Variants in ASPH observed in about 807,000 individuals in gnomAD.
The protein encoded by ASPH is aspartyl/asparaginyl beta-hydroxylase.
Under a neutral mutation model 118.4 loss-of-function variants are expected in ASPH, and 100 were observed. The observed-to-expected ratio is 0.84, with a 90% CI of 0.72 to 1.00. The LOEUF is 1.00. Among genes scored for constraint, ASPH ranks in the 50% least tolerant of loss-of-function variants. The pLI, the probability that ASPH is intolerant of heterozygous loss-of-function variation, is 0.00. For synonymous variants in ASPH, 315 were observed against 325.6 expected, an observed-to-expected ratio of 0.97 and a Z score of 0.35; for missense variants, 920 against 919.5, an observed-to-expected ratio of 1.00 and a Z score of -0.01.
Position 61,552,961 on chromosome 8 carries a change from T to G in ASPH, c.1626+70A>C, listed in dbSNP as rs1826527236. On this transcript the variant is annotated intron_variant, in intron 20 of 24. Transcript: ENST00000379454. ...TCAAAATATTTTTTGAATTCTAACT[T>G]TCCTAGAAATAATTATTCTCCCAAC... is the stretch of plus-strand genomic sequence containing the variant. 3 of 1,307,894 alleles carry G rather than the reference T, an allele frequency of 2.3e-6. No homozygotes were observed. The South Asian group carries it at 3.9e-5, about 17-fold the overall frequency. 81.0% of individuals were successfully genotyped at this position (1,307,894 alleles called of 1,614,324 possible). A position where few individuals can be genotyped will look rare whatever the true frequency, so the allele number is the denominator to read the frequency against.
At chr8:61,536,630 G>C (rs1020012277) in intron 21 of ASPH, among the ~76,000 whole-genome samples, 2 of 152,200 alleles carry the variant, frequency 1.3e-5, no homozygotes, top group African/African-American at 4.8e-5. Flanking sequence ...TTGGGCTTAC[G>C]TTGGAACTGT....
chr8:61,629,837 G>A (rs535370648), intron 13 of ASPH, among the ~76,000 whole-genome samples: 12 of 152,204 alleles, frequency 7.9e-5, no homozygotes, highest in African/African-American at 2.6e-4. Context: ...TTTGAAAAAC[G>A]GCAGCTGACA....
chr8:61,612,873 A>G (rs1157609935), intron 14 of ASPH, among the ~76,000 whole-genome samples: 1 of 152,234 alleles, frequency 6.6e-6, no homozygotes, highest in Non-Finnish European at 1.5e-5. Flanking sequence ...TGTAGCAAGT[A>G]TATTTGTAGA....
chr8:61,712,075 T>C (rs916289374), intron 1 of ASPH, among the ~76,000 whole-genome samples: 6 of 152,204 alleles, frequency 3.9e-5, no homozygotes, highest in Admixed American at 2.0e-4. Context: ...CAGTAATTAG[T>C]TGAGTTTCCA....
chr8:61,520,344 A>G (rs73261103), intron 22 of ASPH, among the ~76,000 whole-genome samples: 2,421 of 152,328 alleles, frequency 0.016, 61 homozygotes, highest in African/African-American at 0.055. Context: ...TTCCCTATTC[A>G]AGATTCCTAA....
intron 3 of ASPH, among the ~76,000 whole-genome samples, chr8:61,674,073 A>G (rs1454977698): frequency 1.3e-5 from 2 of 152,250 alleles, no homozygotes; most frequent in Admixed American, 6.5e-5. Flanking sequence ...GTAATTTCAA[A>G]TATTTTTAAC....
At chr8:61,603,268 A>G (rs1002093284) in intron 14 of ASPH, among the ~76,000 whole-genome samples, 2 of 151,470 alleles carry the variant, frequency 1.3e-5, no homozygotes, top group Non-Finnish European at 2.9e-5. Context: ...GGATACTTTC[A>G]CTGAATAATC....
chr8:61,518,927 A>C (rs551837743), intron 22 of ASPH, among the ~76,000 whole-genome samples: 2 of 152,232 alleles, frequency 1.3e-5, no homozygotes, highest in African/African-American at 4.8e-5. Context: ...CACAAGAACC[A>C]TAAGAGACCA....
chr8:61,693,143 GT>G (rs1371263600), intron 1 of ASPH, among the ~76,000 whole-genome samples: 4 of 152,128 alleles, frequency 2.6e-5, no homozygotes, highest in African/African-American at 7.2e-5. Flanking sequence ...CCGTAACCAT[GT>G]GATTTCAATG....
intron 1 of ASPH, among the ~76,000 whole-genome samples, 155 bp downstream of exon 1, chr8:61,714,114 C>A (rs891819759): frequency 6.6e-6 from 1 of 152,168 alleles, no homozygotes; most frequent in African/African-American, 2.4e-5. Flanking sequence ...CCGCCGAATG[C>A]GGCCTCCGCC....
chr8:61,618,318 TAAAG>T (rs1554683435), intron 14 of ASPH, among the ~76,000 whole-genome samples: 1 of 152,174 alleles, frequency 6.6e-6, no homozygotes, highest in Non-Finnish European at 1.5e-5. Context: ...ATTCAATTAT[TAAAG>T]ATCATATCAT....
At position 61,709,675 on chromosome 8, in the gene ASPH, C is replaced by G. The variant is rs149304587; in HGVS notation, c.103+4594G>C. Among the ~76,000 whole-genome samples the G allele has an allele frequency of 3.2e-3, 485 of 152,320 alleles. 2 individuals carry two copies. Among genetic ancestry groups the G allele is most frequent in the Non-Finnish European group, 4.8e-3 (329 of 68,036 alleles). The stretch of plus-strand genomic sequence containing the variant: ...TTTGTACCTTGGTACAGAATGAAGT[C>G]AAGCCATTTAGAGGTGATATGGAAG... On this transcript the variant is annotated intron_variant, in intron 1 of 24. Transcript: ENST00000379454.
At chr8:61,667,539 G>A (rs1158708095) in intron 3 of ASPH, among the ~76,000 whole-genome samples, 2 of 152,010 alleles carry the variant, frequency 1.3e-5, no homozygotes, top group Non-Finnish European at 2.9e-5. Context: ...GCCAATTTTT[G>A]TATTTTCAGT....
At chr8:61,696,652 G>A (rs1351838144) in intron 1 of ASPH, among the ~76,000 whole-genome samples, 12 of 96,592 alleles carry the variant, frequency 1.2e-4, no homozygotes, top group African/African-American at 2.9e-4. Flanking sequence ...TAGAGAAGAC[G>A]GTCTCATAGA....
intron 17 of ASPH, 120 bp downstream of exon 17, chr8:61,567,048 T>C: frequency 1.6e-6 from 2 of 1,226,762 alleles, no homozygotes; most frequent in African/African-American, 1.5e-5. Flanking sequence ...TTACTTGAAA[T>C]CAGTTGTAAA....
chr8:61,635,693 T>C (rs925913517), intron 12 of ASPH, among the ~76,000 whole-genome samples: 3 of 152,266 alleles, frequency 2.0e-5, no homozygotes, highest in South Asian at 4.1e-4. Context: ...AAAGACCCCC[T>C]TTATTCCTCA....
intron 19 of ASPH, 31 bp downstream of exon 19, chr8:61,555,892 GA>G: frequency 6.3e-7 from 1 of 1,583,202 alleles, no homozygotes; most frequent in Non-Finnish European, 8.7e-7. Context: ...GGACTTGAAA[GA>G]TGAAAGGAGA....
chr8:61,590,741 T>C (rs1840868557), intron 14 of ASPH, among the ~76,000 whole-genome samples: 1 of 152,172 alleles, frequency 6.6e-6, no homozygotes, highest in African/African-American at 2.4e-5. Flanking sequence ...ATTAATTTCC[T>C]TTATATAGAC....
intron 14 of ASPH, among the ~76,000 whole-genome samples, chr8:61,593,451 G>A (rs573903452): frequency 6.6e-6 from 1 of 152,256 alleles, no homozygotes; most frequent in South Asian, 2.1e-4. Flanking sequence ...ACCAGCAGGA[G>A]GTCAATATTC....
Sources: gnomAD v4.1 joint callset for allele counts (sites outside exome capture counted in the v4.1 genomes callset) on GRCh38, gnomAD v4.1.1 for gene constraint, MANE v1.5 for transcripts, NCBI Gene and HGNC (gene_info 2026-07-23, HGNC 2026-07-21) for gene names.